The following WDR7 variants were observed in gnomAD, a reference collection of about 807,000 sequenced individuals.
The protein encoded by WDR7 is WD repeat-containing protein 7.
A neutral mutation model predicts 169.4 loss-of-function variants in WDR7; 46 were observed. That is an observed-to-expected ratio of 0.27 (90% CI 0.21 to 0.35). The LOEUF is 0.35. WDR7 is among the 10% of genes least tolerant of loss of function. WDR7 has a pLI of 1.00. For synonymous variants in WDR7, 612 were observed against 666.8 expected, an observed-to-expected ratio of 0.92 and a Z score of 1.27; for missense variants, 1,534 against 1,859.3, an observed-to-expected ratio of 0.83 and a Z score of 3.22.
intron 26 of WDR7, among the ~76,000 whole-genome samples, chr18:57,011,879 C>T (rs530177175): frequency 3.3e-5 from 5 of 152,278 alleles, no homozygotes; most frequent in Middle Eastern, 3.4e-3. Flanking sequence ...TTATATTTTG[C>T]GTCCCAAGTG....
chr18:56,909,385 G>T (rs1599148961), intron 21 of WDR7, among the ~76,000 whole-genome samples: 2 of 152,066 alleles, frequency 1.3e-5, no homozygotes, highest in African/African-American at 4.8e-5. Context: ...TTAAAACATG[G>T]TTTGGTAATG....
intron 21 of WDR7, among the ~76,000 whole-genome samples, chr18:56,898,561 T>C (rs1243754789): frequency 6.6e-6 from 1 of 152,122 alleles, no homozygotes; most frequent in African/African-American, 2.4e-5. Flanking sequence ...CTTGGAATGA[T>C]ACACTTGCAA....
At chr18:56,966,307 T>A (rs1368695549) in intron 26 of WDR7, among the ~76,000 whole-genome samples, 1 of 151,994 alleles carries the variant, frequency 6.6e-6, no homozygotes, top group Admixed American at 6.6e-5. Flanking sequence ...CTGCCCCCTC[T>A]TACACCTCCT....
chr18:56,977,114 C>G (rs1333818383), intron 26 of WDR7, among the ~76,000 whole-genome samples: 1 of 152,154 alleles, frequency 6.6e-6, no homozygotes, highest in Non-Finnish European at 1.5e-5. Context: ...ATTAATCAAG[C>G]CAATGTATGT....
intron 21 of WDR7, among the ~76,000 whole-genome samples, chr18:56,881,774 C>T (rs1380607123): frequency 9.9e-5 from 15 of 151,980 alleles, no homozygotes; most frequent in East Asian, 1.9e-4. Flanking sequence ...TTCATAGAGA[C>T]GGGGTTTCCC....
At chr18:56,731,660 G>T in intron 14 of WDR7, 63 bp downstream of exon 14, 1 of 1,354,024 alleles carries the variant, frequency 7.4e-7, no homozygotes, top group Non-Finnish European at 1.0e-6. Context: ...TAGTAACATG[G>T]CTTTGGCATA....
chr18:56,939,101 T>C (rs1228760925), intron 24 of WDR7, among the ~76,000 whole-genome samples: 3 of 152,176 alleles, frequency 2.0e-5, no homozygotes, highest in African/African-American at 7.2e-5. Flanking sequence ...GTCTTTATTT[T>C]ATTGCACTGT....
chr18:56,836,372 A>G (rs1011555730), intron 20 of WDR7, among the ~76,000 whole-genome samples: 26 of 152,198 alleles, frequency 1.7e-4, no homozygotes, highest in African/African-American at 6.0e-4. Context: ...CAGCCCCTGG[A>G]CAGGGCTCCT....
chr18:56,893,335 G>T (rs1180331132), intron 21 of WDR7, among the ~76,000 whole-genome samples: 7 of 151,996 alleles, frequency 4.6e-5, no homozygotes, highest in African/African-American at 1.7e-4. Context: ...TGTAATTAAA[G>T]TATTGAAGTT....
intron 12 of WDR7, among the ~76,000 whole-genome samples, chr18:56,701,605 A>G (rs1359662885): frequency 3.3e-5 from 5 of 152,182 alleles, no homozygotes; most frequent in Admixed American, 2.6e-4. Flanking sequence ...TGTTGTTATT[A>G]AATTATATTG....
At chr18:56,801,924 G>C (rs1446411075) in intron 19 of WDR7, among the ~76,000 whole-genome samples, 1 of 152,106 alleles carries the variant, frequency 6.6e-6, no homozygotes, top group Non-Finnish European at 1.5e-5. Flanking sequence ...CATGTACAGG[G>C]TATTATGTCA....
intron 21 of WDR7, among the ~76,000 whole-genome samples, chr18:56,902,180 A>T (rs2046412496): frequency 6.6e-6 from 1 of 152,202 alleles, no homozygotes; most frequent in South Asian, 2.1e-4. Context: ...TGGGAAGAGA[A>T]GAGTTCTGGG....
At chr18:56,794,434 C>T (rs1302926668) in intron 19 of WDR7, among the ~76,000 whole-genome samples, 1 of 149,966 alleles carries the variant, frequency 6.7e-6, no homozygotes, top group African/African-American at 2.4e-5. Context: ...CTCAGCCACC[C>T]AAACAGCTGG....
intron 26 of WDR7, among the ~76,000 whole-genome samples, chr18:56,975,175 G>T (rs1599210777): frequency 1.3e-5 from 2 of 152,140 alleles, no homozygotes; most frequent in East Asian, 3.9e-4. Context: ...GGCAGAGGTT[G>T]TAGTGAGCTG....
intron 2 of WDR7, among the ~76,000 whole-genome samples, chr18:56,677,079 A>C (rs2025260742): frequency 6.6e-6 from 1 of 152,166 alleles, no homozygotes; most frequent in African/African-American, 2.4e-5. Flanking sequence ...ACTTACTATT[A>C]CTGGTGAGTT....
chr18:56,687,850 A>G (rs1473252042), intron 7 of WDR7, among the ~76,000 whole-genome samples: 3 of 151,572 alleles, frequency 2.0e-5, no homozygotes, highest in Non-Finnish European at 4.4e-5. Flanking sequence ...CCGGTCTTGA[A>G]CTCCTGGGCT....
chr18:56,942,272 C>T (rs761354999), intron 25 of WDR7, among the ~76,000 whole-genome samples: 9 of 151,882 alleles, frequency 5.9e-5, no homozygotes, highest in Non-Finnish European at 8.8e-5. Context: ...CACAAAATGG[C>T]GAGGTGTTCT....
At chr18:56,654,008 G>A (rs1324668553) in intron 1 of WDR7, among the ~76,000 whole-genome samples, 1 of 152,026 alleles carries the variant, frequency 6.6e-6, no homozygotes, top group African/African-American at 2.4e-5. Context: ...CTTTATCTTT[G>A]TTTCCCCACA....
chr18:56,689,144 A>G (rs762234475), intron 7 of WDR7, among the ~76,000 whole-genome samples: 11 of 152,174 alleles, frequency 7.2e-5, no homozygotes, highest in Admixed American at 1.3e-4. Context: ...TAGTACTACA[A>G]CCCACCAGAA....
Sources: allele counts gnomAD v4.1 joint callset (sites outside exome capture counted in the v4.1 genomes callset), GRCh38; gene constraint gnomAD v4.1.1; transcripts MANE v1.5; gene names NCBI Gene and HGNC (gene_info 2026-07-23, HGNC 2026-07-21).